IMMP2L: variants seen among roughly 807,000 people sequenced by gnomAD.
IMMP2L encodes the protein mitochondrial inner membrane protease subunit 2.
In IMMP2L, 18 loss-of-function variants were observed where a neutral mutation model predicts 19.3. The ratio of observed to expected loss-of-function variants is 0.93; its 90% CI spans 0.64 to 1.38. The LOEUF (loss-of-function observed/expected upper bound fraction) is 1.38. Among genes scored for constraint, IMMP2L ranks in the 40% most tolerant of loss-of-function variants. The probability of loss-of-function intolerance (pLI) is 0.00; values close to 1 mark genes in which losing one functional copy is unlikely to be tolerated. For missense variants in IMMP2L, 233 were observed against 218.2 expected, an observed-to-expected ratio of 1.07 and a Z score of -0.43; for synonymous variants, 76 against 73.0, an observed-to-expected ratio of 1.04 and a Z score of -0.21.
At chr7:110,806,920 G>A (rs181516145) in intron 5 of IMMP2L, among the ~76,000 whole-genome samples, 21 of 152,040 alleles carry the variant, frequency 1.4e-4, no homozygotes, top group Admixed American at 1.2e-3. Context: ...CAAATGACCC[G>A]ACTGTGGTTT....
At chr7:111,254,283 TC>T (rs1349654900) in intron 3 of IMMP2L, among the ~76,000 whole-genome samples, 1 of 152,082 alleles carries the variant, frequency 6.6e-6, no homozygotes, top group African/African-American at 2.4e-5. Flanking sequence ...AAATGAATGA[TC>T]CTAAGCACTC....
intron 3 of IMMP2L, among the ~76,000 whole-genome samples, chr7:111,011,334 A>T (rs1824931352): frequency 6.6e-6 from 1 of 152,138 alleles, no homozygotes; most frequent in Non-Finnish European, 1.5e-5. Context: ...ATACCTAGAG[A>T]AATATTGCTC....
chr7:111,460,456 GAGTC>G (rs1250198335), intron 3 of IMMP2L, among the ~76,000 whole-genome samples: 1 of 152,018 alleles, frequency 6.6e-6, no homozygotes, highest in African/African-American at 2.4e-5. Context: ...AAGAACAAAA[GAGTC>G]AGGCTATTTT....
At chr7:111,292,557 G>C (rs1199915106) in intron 3 of IMMP2L, among the ~76,000 whole-genome samples, 1 of 151,720 alleles carries the variant, frequency 6.6e-6, no homozygotes, top group Non-Finnish European at 1.5e-5. Flanking sequence ...TGGCATCCTA[G>C]CCTGGTTCAA....
At chr7:110,997,436 G>A (rs1249584651) in intron 3 of IMMP2L, among the ~76,000 whole-genome samples, 1 of 151,970 alleles carries the variant, frequency 6.6e-6, no homozygotes, top group Non-Finnish European at 1.5e-5. Context: ...TGGGTTATAT[G>A]GTCAAATTGT....
intron 5 of IMMP2L, among the ~76,000 whole-genome samples, chr7:110,873,350 A>G (rs1302020762): frequency 6.9e-6 from 1 of 145,638 alleles, no homozygotes; most frequent in Non-Finnish European, 1.5e-5. Flanking sequence ...AAATCCTTTG[A>G]ACCAGAGGAA....
At chr7:110,921,840 A>G (rs1814327670) in intron 4 of IMMP2L, among the ~76,000 whole-genome samples, 1 of 152,224 alleles carries the variant, frequency 6.6e-6, no homozygotes, top group African/African-American at 2.4e-5. Context: ...TATCTCTCCT[A>G]GAAGTTAACA....
rs185263364 is a variant in IMMP2L, at chr7:110,946,972, G to A, written c.305+16528C>T. Among the ~76,000 whole-genome samples the A allele has an allele frequency of 2.0e-4, 30 of 152,020 alleles. No individual in the cohort carries two copies. The East Asian group carries it at 5.0e-3, about 26-fold the overall frequency. On this transcript the variant is annotated intron_variant, in intron 4 of 5. Coordinates refer to ENST00000405709, the MANE Select transcript of IMMP2L (RefSeq NM_032549.4). Reference sequence around the variant, plus strand: ...CCTGACCTCGTGATCTGCCTGCTTCGGCCTCCCAAAGTGCTGGGATTACAG... The same window carrying A: ...CCTGACCTCGTGATCTGCCTGCTTCAGCCTCCCAAAGTGCTGGGATTACAG...
At chr7:111,357,017 G>A (rs1205496439) in intron 3 of IMMP2L, among the ~76,000 whole-genome samples, 2 of 151,900 alleles carry the variant, frequency 1.3e-5, no homozygotes, top group Non-Finnish European at 2.9e-5. Flanking sequence ...GTGAAACTCT[G>A]TCTCAAAAAA....
intron 5 of IMMP2L, among the ~76,000 whole-genome samples, chr7:110,703,884 C>G (rs952820872): frequency 6.6e-6 from 1 of 150,448 alleles, no homozygotes; most frequent in African/African-American, 2.5e-5. Context: ...CTTGCTCTAT[C>G]GCCCAGGCTG....
chr7:110,996,008 C>G (rs1395321921), intron 3 of IMMP2L, among the ~76,000 whole-genome samples: 1 of 152,152 alleles, frequency 6.6e-6, no homozygotes, highest in Non-Finnish European at 1.5e-5. Context: ...TAGTGCCAAA[C>G]AGACCTGGGT....
In IMMP2L at chr7:111,406,251, C is replaced by A. The variant is rs564316692; in HGVS notation, c.239+80987G>T. Among the ~76,000 whole-genome samples, 18 of 152,118 alleles carry A rather than the reference C, an allele frequency of 1.2e-4. No individual in the cohort carries two copies. The East Asian group carries it at 3.3e-3, about 28-fold the overall frequency. ...AAAAACTTCAGAATCCTCCTTGATT[C>A]CTCTATTTCTCTCATACTCCATATC... On this transcript the variant is annotated intron_variant, in intron 3 of 5. Coordinates refer to ENST00000405709, the MANE Select transcript of IMMP2L (RefSeq NM_032549.4).
chr7:110,818,468 G>A (rs1036801239), intron 5 of IMMP2L, among the ~76,000 whole-genome samples: 1 of 152,024 alleles, frequency 6.6e-6, no homozygotes, highest in Non-Finnish European at 1.5e-5. Flanking sequence ...GAAACAACAG[G>A]TGCTGGAGAG....
chr7:111,165,772 T>G (rs1805750850), intron 3 of IMMP2L, among the ~76,000 whole-genome samples: 1 of 151,990 alleles, frequency 6.6e-6, no homozygotes, highest in Non-Finnish European at 1.5e-5. Context: ...GGTCATCTCT[T>G]GGCTCCTAGG....
intron 3 of IMMP2L, among the ~76,000 whole-genome samples, chr7:111,332,622 C>A (rs1825989469): frequency 6.6e-6 from 1 of 151,852 alleles, no homozygotes; most frequent in Non-Finnish European, 1.5e-5. Context: ...GATCAATAAA[C>A]ATGTAAAATG....
intron 3 of IMMP2L, among the ~76,000 whole-genome samples, chr7:111,136,850 C>A (rs758525479): frequency 6.6e-6 from 1 of 152,162 alleles, no homozygotes; most frequent in Non-Finnish European, 1.5e-5. Flanking sequence ...AAGATTCTTT[C>A]AGCAACCATA....
At chr7:110,759,406 T>G (rs1442038602) in intron 5 of IMMP2L, among the ~76,000 whole-genome samples, 1 of 152,112 alleles carries the variant, frequency 6.6e-6, no homozygotes, top group African/African-American at 2.4e-5. Flanking sequence ...TAAATATAAA[T>G]TTCTGAAAGG....
intron 5 of IMMP2L, among the ~76,000 whole-genome samples, chr7:110,670,241 AG>A (rs1470237862): frequency 6.6e-6 from 1 of 152,184 alleles, no homozygotes; most frequent in Non-Finnish European, 1.5e-5. Context: ...ACAGCCAAGG[AG>A]GGGGACTATA....
At chr7:110,737,717 A>T (rs1299420916) in intron 5 of IMMP2L, among the ~76,000 whole-genome samples, 1 of 152,202 alleles carries the variant, frequency 6.6e-6, no homozygotes, top group Non-Finnish European at 1.5e-5. Flanking sequence ...ACCACAGCTG[A>T]TGTGCTCTTC....
Sources: allele counts gnomAD v4.1 joint callset (sites outside exome capture counted in the v4.1 genomes callset), GRCh38; gene constraint gnomAD v4.1.1; transcripts MANE v1.5; gene names NCBI Gene and HGNC (gene_info 2026-07-23, HGNC 2026-07-21).